TTN: variants seen among roughly 807,000 people sequenced by gnomAD.
TTN encodes the protein titin, also known as connectin.
TTN carries 1,525 observed loss-of-function variants against 3,223.0 expected under a neutral mutation model. The observed-to-expected ratio is 0.47, with a 90% confidence interval of 0.45 to 0.49. The LOEUF is 0.49. Among genes scored for constraint, TTN ranks in the 20% least tolerant of loss-of-function variants. The pLI, the probability that TTN is intolerant of heterozygous loss-of-function variation, is 0.00. For synonymous variants in TTN, 14,094 were observed against 15,161.0 expected (o/e 0.93, Z 5.17); for missense variants, 40,786 against 43,424.0 (o/e 0.94, Z 5.40).
At chr2:178,642,998 C>T (rs921601958) in intron 218 of TTN, among the ~76,000 whole-genome samples, 6 of 151,964 alleles carry the variant, frequency 3.9e-5, no homozygotes, top group East Asian at 1.9e-4. Flanking sequence ...TTTCCTGTTG[C>T]GTCTACAGTG....
At position 178,723,149 on chromosome 2, in the gene TTN, G is replaced by A; in HGVS notation, c.21858C>T (p.Ile7286=). The change falls in exon 75 of 363, where the codon ATC becomes ATT. Residue 7286 remains isoleucine, a synonymous_variant. Coordinates refer to ENST00000589042, the MANE Select transcript of TTN (RefSeq NM_001267550.2). ...CNIVTTEKTC[I]LEILNSTKRD... is the part of the protein sequence containing the mutation. The stretch of plus-strand genomic sequence containing the variant: ...TTTTTGTGCTATTCAGAATTTCCAG[G>A]ATACAAGTTTTCTCTGTTGTGACTA... The A allele has an allele frequency of 1.2e-6, 2 of 1,613,416 alleles. No homozygotes were observed. The highest frequency in any genetic ancestry group is 1.3e-5 in the African/African-American group (1 of 74,984).
In TTN at chr2:178,545,950, G is replaced by A; in HGVS notation, c.95286C>T (p.Cys31762=). 1 of 1,613,820 alleles carries A rather than the reference G, an allele frequency of 6.2e-7. No homozygotes were observed. Among genetic ancestry groups the A allele is most frequent in the Non-Finnish European group, 8.5e-7 (1 of 1,179,792 alleles). Reference sequence around the variant, plus strand: ...TGGTAACGACATAGGATAGGGTTGGGCATTCGCCTTCAACAATCACCCAGT... The same window carrying A: ...TGGTAACGACATAGGATAGGGTTGGACATTCGCCTTCAACAATCACCCAGT... ...RLNWVIVEGE[C]PTLSYVVTRL... The change falls in exon 343 of 363, where the codon TGC becomes TGT. Residue 31762 remains cysteine (C), a synonymous_variant. Transcript: ENST00000589042.
At position 178,652,745 on chromosome 2, in the gene TTN, A is replaced by T; in HGVS notation, c.38960-9T>A. ...TTTGGGAGCCTCTGGTACTTAAAAGATATTAGTGAAATTACATTTAGGGGT... is the reference window on the plus strand; with the variant it reads ...TTTGGGAGCCTCTGGTACTTAAAAGTTATTAGTGAAATTACATTTAGGGGT... On this transcript the variant is annotated splice_polypyrimidine_tract_variant and intron_variant, in intron 200 of 362. Transcript: ENST00000589042. 2.5e-6 allele frequency: 4 copies of T among 1,612,084 alleles called. No homozygotes were observed. Among genetic ancestry groups the T allele is most frequent in the African/African-American group, 1.3e-5 (1 of 74,754 alleles).
Position 178,731,164 on chromosome 2 carries a change from A to G in TTN, c.17501T>C (p.Val5834Ala). 6.2e-7 allele frequency: 1 copy of G among 1,613,588 alleles called. No individual in the cohort carries two copies. The highest frequency in any genetic ancestry group is 8.5e-7 in the Non-Finnish European group (1 of 1,179,680). ...TITEEAVSIDVTQGDPATLQV... is the reference protein window; with the variant it reads ...TITEEAVSIDATQGDPATLQV... Reference sequence around the variant, plus strand: ...CAAAGTGGCTGGGTCTCCTTGGGTGACATCTATAGACACAGCTTCCTCGGT... The same window carrying G: ...CAAAGTGGCTGGGTCTCCTTGGGTGGCATCTATAGACACAGCTTCCTCGGT... Residue 5834 changes from valine to alanine, a missense_variant, in exon 60 of 363, where the codon GTC becomes GCC. Val to Ala is a moderately conservative substitution (Grantham distance 64). Transcript: ENST00000589042.
chr2:178,711,821 G>T, intron 96 of TTN, 123 bp downstream of exon 96: 1 of 1,153,482 alleles, frequency 8.7e-7, no homozygotes, highest in Non-Finnish European at 1.2e-6. Flanking sequence ...ACTGTAAATA[G>T]GATTACTTAA....
intron 150 of TTN, among the ~76,000 whole-genome samples, chr2:178,674,822 TAAAAC>T (rs770788238): frequency 1.5e-4 from 23 of 151,804 alleles, no homozygotes; most frequent in Admixed American, 2.0e-4. Flanking sequence ...CTAATTAAAA[TAAAAC>T]AAATAGCAAA....
Position 178,549,563 on chromosome 2 carries a change from A to C in TTN, c.92152+7T>G, listed in dbSNP as rs574211300. ...CATAGTACCGCTTAGTAAAAACGCA[A>C]ACTTACTATATTGTATTTGAGCAAC... On this transcript the variant is annotated splice_region_variant and intron_variant, in intron 338 of 362. Transcript: ENST00000589042. 20 of 1,607,106 alleles carry C rather than the reference A, an allele frequency of 1.2e-5. No homozygotes were observed. The East Asian group carries it at 3.6e-4, about 29-fold the overall frequency.
Position 178,715,175 on chromosome 2 carries a change from G to A in TTN, c.26011C>T (p.Pro8671Ser). 2 of 1,613,696 alleles carry A rather than the reference G, an allele frequency of 1.2e-6. No individual in the cohort carries two copies. Among genetic ancestry groups the A allele is most frequent in the Non-Finnish European group, 1.7e-6 (2 of 1,179,702 alleles). Residue 8671 changes from proline to serine, a missense_variant, in exon 90 of 363, where the codon CCA (proline) becomes TCA (serine). Coordinates refer to ENST00000589042, the MANE Select transcript of TTN (RefSeq NM_001267550.2). ...HLECELQGTP[P>S]FHVSWYKDKR... Reference sequence around the variant, plus strand: ...TCTTTATACCAAGAAACGTGAAATGGGGGAGTGCCCTGAAGCTCACATTCA... The same window carrying A: ...TCTTTATACCAAGAAACGTGAAATGAGGGAGTGCCCTGAAGCTCACATTCA...
Position 178,785,838 on chromosome 2 carries a change from A to ATAG in TTN, c.2370+7_2370+9dup. The stretch of plus-strand genomic sequence containing the variant: ...TGAACAAGGTGAAAAATCAGCAGGT[A>ATAG]TAGACTCACCTGTGATGATATGTGC... On this transcript the variant is annotated intron_variant, in intron 14 of 362. Transcript: ENST00000589042. 6.2e-7 allele frequency: 1 copy of ATAG among 1,614,160 alleles called. No individual in the cohort carries two copies. The highest frequency in any genetic ancestry group is 2.2e-5 in the East Asian group (1 of 44,874).
rs753356990 is a variant in TTN, at chr2:178,725,566, C to T, written c.20638G>A (p.Ala6880Thr). 1.2e-5 allele frequency: 20 copies of T among 1,612,728 alleles called. No individual in the cohort carries two copies. The Middle Eastern group carries it at 4.9e-4, about 40-fold the overall frequency. The change falls in exon 71 of 363, where the codon GCC becomes ACC. Residue 6880 changes from alanine to threonine, a missense_variant. Transcript: ENST00000589042. Reference protein sequence around the residue: ...PAELQASIEGAQPIFVQWLKE... With the variant: ...PAELQASIEGTQPIFVQWLKE... ...AGCCACTGGACAAAAATAGGCTGGG[C>T]GCCTTCTATGGATGCTTGTAATTCA...
At position 178,573,477 on chromosome 2, in the gene TTN, G is replaced by T. The variant is rs1420627798; in HGVS notation, c.72655C>A (p.Pro24219Thr). The T allele has an allele frequency of 6.6e-7, 1 of 1,505,368 alleles. No homozygotes were observed. The highest frequency in any genetic ancestry group is 2.4e-5 in the Admixed American group (1 of 41,800). The allele number at this position is 1,505,368 out of a possible 1,614,324, so 93.3% of individuals were successfully genotyped here. Residue 24219 changes from proline (P) to threonine (T), a missense_variant, in exon 326 of 363, where the codon CCT becomes ACT. Physicochemically the swap from Pro to Thr is conservative, Grantham distance 38 (BLOSUM62 -1). Coordinates refer to ENST00000589042, the MANE Select transcript of TTN (RefSeq NM_001267550.2). ...TTGGGCGGATCAGGGGGTCCATAAG[G>T]ATTCACTGCAAGCACAGGCTCTGAT... Reference protein sequence around the residue: ...LESEPVLAVNPYGPPDPPKNP... With the variant: ...LESEPVLAVNTYGPPDPPKNP...
chr2:178,552,911 A>C lies in TTN; in HGVS notation c.89989T>G (p.Leu29997Val). 1 of 1,613,724 alleles carries C rather than the reference A, an allele frequency of 6.2e-7. No homozygotes were observed. The highest frequency in any genetic ancestry group is 8.5e-7 in the Non-Finnish European group (1 of 1,179,800). Residue 29997 changes from leucine to valine, a missense_variant, in exon 335 of 363, where the codon TTG (leucine) becomes GTG (valine). Physicochemically the swap from Leu to Val is conservative, Grantham distance 32. Coordinates refer to ENST00000589042, the MANE Select transcript of TTN (RefSeq NM_001267550.2). ...CSSTSFKLID[L>V]SEKTPFFFRV... ...AAGAAGAATGGAGTCTTCTCCGACA[A>C]ATCTATTAGCTTGAAGGATGTGCTA...
chr2:178,745,546 T>G lies in TTN; in HGVS notation c.11312-3625A>C, dbSNP rs1321064818. On this transcript the variant is annotated intron_variant, in intron 47 of 362. Transcript: ENST00000589042. Reference sequence around the variant, plus strand: ...TTTGGAAAATATGAAAGCACTCAGATCAATGCTAATAATTACTGAGGCACT... The same window carrying G: ...TTTGGAAAATATGAAAGCACTCAGAGCAATGCTAATAATTACTGAGGCACT... The G allele has an allele frequency of 1.9e-6, 3 of 1,609,592 alleles. No individual in the cohort carries two copies. The South Asian group carries it at 3.3e-5, about 18-fold the overall frequency.
At position 178,593,427 on chromosome 2, in the gene TTN, T is replaced by C; in HGVS notation, c.58781A>G (p.Asp19594Gly). The C allele has an allele frequency of 6.2e-7, 1 of 1,613,148 alleles. No homozygotes were observed. Among genetic ancestry groups the C allele is most frequent in the Non-Finnish European group, 8.5e-7 (1 of 1,179,556 alleles). Residue 19594 changes from aspartate to glycine, a missense_variant, in exon 299 of 363, where the codon GAC becomes GGC. By Grantham distance (94) the Asp-to-Gly change is moderately conservative. Transcript: ENST00000589042. The part of the protein sequence containing the change: ...DQPIVTEVTK[D>G]SALVTWNKPH... The stretch of plus-strand genomic sequence containing the variant: ...CTTATTCCAGGTTACTAATGCAGAG[T>C]CTTTGGTAACTTCTGTAACAATTGG...
At position 178,794,432 on chromosome 2, in the gene TTN, C is replaced by T. The variant is rs145211131; in HGVS notation, c.1365G>A (p.Thr455=). Residue 455 remains threonine, a synonymous_variant, in exon 8 of 363, where the codon ACG becomes ACA. Coordinates refer to ENST00000589042, the MANE Select transcript of TTN (RefSeq NM_001267550.2). ...GAGCAGGTTGGATGTGCACAGCAGT[C>T]GTGGTTGTCCTCTGAGCAGTCTGCT... ...AVEQTAQRTT[T]TAVHIQPAQE... The T allele has an allele frequency of 6.3e-5, 101 of 1,614,022 alleles. No individual in the cohort carries two copies. Among genetic ancestry groups the T allele is most frequent in the African/African-American group, 1.5e-4 (11 of 74,928 alleles).
Position 178,546,064 on chromosome 2 carries a change from C to T in TTN, c.95172G>A (p.Lys31724=). ...GCGGAAGGCTCCAGGCTAAAGTGCA[C>T]TTCTCCTGTGTTACTCTGCTGACGG... is the stretch of plus-strand genomic sequence containing the variant. ...KLTVSRVTQE[K]CTLAWSLPQE... is the part of the protein sequence containing the mutation. The change falls in exon 343 of 363, where the codon AAG becomes AAA. Residue 31724 remains lysine, a synonymous_variant. Coordinates refer to ENST00000589042, the MANE Select transcript of TTN (RefSeq NM_001267550.2). The T allele has an allele frequency of 6.2e-7, 1 of 1,613,542 alleles. No individual in the cohort carries two copies. Among genetic ancestry groups the T allele is most frequent in the Non-Finnish European group, 8.5e-7 (1 of 1,179,586 alleles).
rs769873625 is a variant in TTN at position 178,550,995 on chromosome 2, A to T, written c.91536T>A (p.Ser30512=). Residue 30512 remains serine (S), a synonymous_variant, in exon 336 of 363, where the codon TCT becomes TCA. Transcript: ENST00000589042. ...TTTCATCTCTTGTCATAATAATGCCAGAAGACTGTGAGGGCGGGCTTATAG... is the reference window on the plus strand; with the variant it reads ...TTTCATCTCTTGTCATAATAATGCCTGAAGACTGTGAGGGCGGGCTTATAG... The part of the protein sequence containing the change: ...VGTISPPSQS[S]GIIMTRDENV... 1.2e-6 allele frequency: 2 copies of T among 1,613,136 alleles called. No individual in the cohort carries two copies. The highest frequency in any genetic ancestry group is 1.7e-6 in the Non-Finnish European group (2 of 1,179,546).
intron 322 of TTN, 36 bp from the exon 323 acceptor site, chr2:178,577,934 C>G: frequency 1.3e-6 from 2 of 1,588,708 alleles, no homozygotes; most frequent in Non-Finnish European, 1.7e-6. Context: ...AAACAAATAC[C>G]AGTTTTCTTC....
chr2:178,581,959 C>G lies in TTN; in HGVS notation c.66410G>C (p.Gly22137Ala). The change falls in exon 315 of 363, where the codon GGA becomes GCA. Residue 22137 changes from glycine (G) to alanine (A), a missense_variant. Coordinates refer to ENST00000589042, the MANE Select transcript of TTN (RefSeq NM_001267550.2). Reference protein sequence around the residue: ...EFRVTAINKAGPGKPSDASKA... With the variant: ...EFRVTAINKAAPGKPSDASKA... ...GGATGCGTCACTGGGTTTGCCTGGT[C>G]CAGCTTTATTTATAGCTGTAACACG... 1 of 1,613,218 alleles carries G rather than the reference C, an allele frequency of 6.2e-7. No homozygotes were observed. Among genetic ancestry groups the G allele is most frequent in the Non-Finnish European group, 8.5e-7 (1 of 1,179,490 alleles).
Sources: allele counts gnomAD v4.1 joint callset (sites outside exome capture counted in the v4.1 genomes callset), GRCh38; gene constraint gnomAD v4.1.1; transcripts MANE v1.5; gene names NCBI Gene and HGNC (gene_info 2026-07-23, HGNC 2026-07-21).